The following KIF1A variants were observed in gnomAD, a reference collection of about 807,000 sequenced individuals.
KIF1A encodes the protein kinesin family member 1A, also known as kinesin-like protein KIF1A.
Under a neutral mutation model 227.3 loss-of-function variants are expected in KIF1A, and 46 were observed. The ratio of observed to expected loss-of-function variants is 0.20; its 90% CI spans 0.16 to 0.26. The LOEUF (loss-of-function observed/expected upper bound fraction) is 0.26, where lower values mean the gene tolerates loss of function less well. Ranked by LOEUF, KIF1A falls within the 10% of genes least tolerant of loss-of-function variation. The pLI is 1.00. For synonymous variants in KIF1A, 1,022 were observed against 1,012.8 expected (o/e 1.01, Z -0.17); for missense variants, 1,683 against 2,485.9 (o/e 0.68, Z 6.87).
At chr2:240,791,225 C>T (rs1438876887) in intron 2 of KIF1A, among the ~76,000 whole-genome samples, 3 of 152,152 alleles carry the variant, frequency 2.0e-5, no homozygotes, top group African/African-American at 4.8e-5. Flanking sequence ...CGGGACCCAA[C>T]AGCACCCGTG....
At chr2:240,720,165 C>T in intron 45 of KIF1A, 1 of 414,020 alleles carries the variant, frequency 2.4e-6, no homozygotes, top group Non-Finnish European at 4.3e-6. Flanking sequence ...ACCTCGGGGC[C>T]CAGCCAGGGA....
chr2:240,740,937 C>T lies in KIF1A; in HGVS notation c.3749+332G>A, dbSNP rs911088285. Among the ~76,000 whole-genome samples, 8 of 151,976 alleles carry T rather than the reference C, an allele frequency of 5.3e-5. No homozygotes were observed. The highest frequency in any genetic ancestry group is 1.9e-4 in the African/African-American group (8 of 41,360). On this transcript the variant is annotated intron_variant, in intron 35 of 48. Transcript: ENST00000498729. The surrounding 1 kb of genome is among the most constrained non-coding windows in gnomAD (Gnocchi z 6.1). ...CCCCTCCCACCTCCCTCAAAAGTCC[C>T]TTGATCACTTTGTAAGTGCTGTCTG...
intron 42 of KIF1A, 111 bp downstream of exon 42, chr2:240,723,302 C>T: frequency 1.8e-6 from 2 of 1,087,436 alleles, no homozygotes; most frequent in Non-Finnish European, 1.3e-6. Flanking sequence ...TCCCAAGCAG[C>T]TGTGCTGCCC....
At chr2:240,765,464 G>A (rs1437036224) in intron 20 of KIF1A, among the ~76,000 whole-genome samples, 5 of 152,218 alleles carry the variant, frequency 3.3e-5, no homozygotes, top group South Asian at 2.1e-4. Context: ...CCCACAGCAC[G>A]GACTCAGTGT....
At chr2:240,816,151 T>G (rs1276054671) in intron 1 of KIF1A, among the ~76,000 whole-genome samples, 1 of 116,192 alleles carries the variant, frequency 8.6e-6, no homozygotes, top group African/African-American at 2.8e-5. Flanking sequence ...GGATGCAGAG[T>G]GTGTGTGTGT....
chr2:240,755,679 C>T (rs4676447), intron 27 of KIF1A, among the ~76,000 whole-genome samples: 89,398 of 152,066 alleles, frequency 0.59, 26,745 homozygotes, highest in African/African-American at 0.69. Context: ...TTGGTAGTTT[C>T]GTAAAATCTC....
chr2:240,768,346 C>G (rs1427804747), intron 17 of KIF1A, among the ~76,000 whole-genome samples: 1 of 152,232 alleles, frequency 6.6e-6, no homozygotes, highest in African/African-American at 2.4e-5. Flanking sequence ...CTGCCTGGGA[C>G]TGGAATCTCC....
Position 240,752,039 on chromosome 2 carries a change from G to C in KIF1A, c.2859-1492C>G, listed in dbSNP as rs11693670. 0.46 allele frequency among the ~76,000 whole-genome samples: 69,636 copies of C among 151,726 alleles called. 16,251 individuals carry two copies. Among genetic ancestry groups the C allele is most frequent in the East Asian group, 0.64 (3,246 of 5,096 alleles). On this transcript the variant is annotated intron_variant, in intron 27 of 48. Transcript: ENST00000498729. The surrounding 1 kb of genome is among the most constrained non-coding windows in gnomAD (Gnocchi z 6.4). ...CCTCACTGCAAAATGGCCCAGGCTC[G>C]CAACAGGAAAAGGGTCTTGCTGCCC... is the stretch of plus-strand genomic sequence containing the variant.
In KIF1A at chr2:240,769,208, C is replaced by T. The variant is rs763602734; in HGVS notation, c.1422G>A (p.Arg474=). 12 of 1,607,550 alleles carry T rather than the reference C, an allele frequency of 7.5e-6. No individual in the cohort carries two copies. In the East Asian group the frequency reaches 2.5e-4, roughly 33 times the overall value. Residue 474 remains arginine (R), a splice_region_variant and synonymous_variant, in exon 17 of 49, where the codon AGG becomes AGA. Coordinates refer to ENST00000498729, the MANE Select transcript of KIF1A (RefSeq NM_001244008.2). ...CACCCATCTCGGCCAGCAGGGCTTCCCTGGGGGAACAGAGCTGAGGTCAGC... is the reference window on the plus strand; with the variant it reads ...CACCCATCTCGGCCAGCAGGGCTTCTCTGGGGGAACAGAGCTGAGGTCAGC... ...LRRTEAIRME[R]EALLAEMGVA...
rs934132231 is a variant in KIF1A at position 240,716,811 on chromosome 2, A to C, written c.*553T>G. The C allele has an allele frequency of 2.0e-5, 3 of 152,580 alleles. No homozygotes were observed. Among genetic ancestry groups the C allele is most frequent in the African/African-American group, 7.2e-5 (3 of 41,412 alleles). 9.5% of individuals were successfully genotyped at this position (152,580 alleles called of 1,614,324 possible). A position where few individuals can be genotyped will look rare whatever the true frequency, so the allele number is the denominator to read the frequency against. On this transcript the variant is annotated 3_prime_UTR_variant, in exon 49 of 49. Transcript: ENST00000498729. ...CCGTGTGCTAGCCCCAAGGTGCCCC[A>C]CTGGTCCAGACAGCTCCTCACTGCG...
In KIF1A at chr2:240,722,431, T is replaced by C. The variant is rs1465639506; in HGVS notation, c.4665+25A>G. Reference sequence around the variant, plus strand: ...GCCCTTGAGGGCCTGGGGCTACGGCTGTACTGCCCACCAGCTGGACCCACC... The same window carrying C: ...GCCCTTGAGGGCCTGGGGCTACGGCCGTACTGCCCACCAGCTGGACCCACC... On this transcript the variant is annotated intron_variant, in intron 43 of 48. Transcript: ENST00000498729. 2.6e-6 allele frequency: 4 copies of C among 1,543,542 alleles called. No homozygotes were observed. In the South Asian group the frequency reaches 3.6e-5, roughly 14 times the overall value.
chr2:240,736,865 C>T lies in KIF1A; in HGVS notation c.4007+198G>A, dbSNP rs373753789. Among the ~76,000 whole-genome samples the T allele has an allele frequency of 2.1e-4, 32 of 152,320 alleles. No individual in the cohort carries two copies. Among genetic ancestry groups the T allele is most frequent in the Admixed American group, 3.3e-4 (5 of 15,304 alleles). ...GGCATGGGGATGCCTGAACCAGCAA[C>T]GAGGTGCACAAACGAGGAGCCGGGG... On this transcript the variant is annotated intron_variant, in intron 38 of 48. Coordinates refer to ENST00000498729, the MANE Select transcript of KIF1A (RefSeq NM_001244008.2). The surrounding 1 kb of genome is among the most constrained non-coding windows in gnomAD (Gnocchi z 4.7).
At chr2:240,749,200 T>C (rs2048939107) in intron 28 of KIF1A, among the ~76,000 whole-genome samples, 1 of 151,990 alleles carries the variant, frequency 6.6e-6, no homozygotes, top group South Asian at 2.1e-4. Context: ...CTTCATTAAT[T>C]AGGTGGGATT....
At chr2:240,719,309 C>T in intron 46 of KIF1A, 111 bp from the exon 47 acceptor site, 1 of 1,266,892 alleles carries the variant, frequency 7.9e-7, no homozygotes. Context: ...ACCACCTCCC[C>T]AGCCAGAAAG....
intron 24 of KIF1A, among the ~76,000 whole-genome samples, 165 bp downstream of exon 24, chr2:240,761,064 C>A (rs575463503): frequency 6.6e-6 from 1 of 152,230 alleles, no homozygotes; most frequent in Admixed American, 6.5e-5. Flanking sequence ...CAGGTCTGGG[C>A]TCCCTCACTG....
chr2:240,755,158 T>C (rs1026143679), intron 27 of KIF1A, among the ~76,000 whole-genome samples: 8 of 152,196 alleles, frequency 5.3e-5, no homozygotes, highest in Non-Finnish European at 1.2e-4. Flanking sequence ...CCAGGTCACC[T>C]GGTGCCCCAG....
At position 240,725,194 on chromosome 2, in the gene KIF1A, C is replaced by T. The variant is rs1360562600; in HGVS notation, c.4256+77G>A. On this transcript the variant is annotated intron_variant, in intron 40 of 48. Transcript: ENST00000498729. The surrounding 1 kb of genome is among the most constrained non-coding windows in gnomAD (Gnocchi z 5.8). ...GAGCTGCCGGGTGGCCCAAGGACCG[C>T]TGCCAGGCAGAGCCCTGCCTGGCCC... The T allele has an allele frequency of 1.3e-6, 2 of 1,499,040 alleles. No homozygotes were observed. Among genetic ancestry groups the T allele is most frequent in the South Asian group, 1.2e-5 (1 of 82,332 alleles). The allele number at this position is 1,499,040 out of a possible 1,614,324, so 92.9% of individuals were successfully genotyped here. A position where few individuals can be genotyped will look rare whatever the true frequency, so the allele number is the denominator to read the frequency against.
chr2:240,756,726 C>T (rs182701053), intron 27 of KIF1A, among the ~76,000 whole-genome samples: 2 of 152,358 alleles, frequency 1.3e-5, no homozygotes, highest in African/African-American at 4.8e-5. Flanking sequence ...CTAAAAGTGG[C>T]CTCAGGATGG....
In KIF1A at chr2:240,797,679, T is replaced by C. The variant is rs1200858784; in HGVS notation, c.74A>G (p.Lys25Arg). 2 of 1,612,684 alleles carry C rather than the reference T, an allele frequency of 1.2e-6. No individual in the cohort carries two copies. The highest frequency in any genetic ancestry group is 1.7e-6 in the Non-Finnish European group (2 of 1,179,518). Residue 25 changes from lysine to arginine, a missense_variant, in exon 2 of 49, where the codon AAG becomes AGG. Lys to Arg is a conservative substitution (Grantham distance 26). This residue lies in a region of KIF1A where 71 missense variants were observed against 129.1 expected (regional missense o/e 0.55). Transcript: ENST00000498729. ...FNSREMSRDSKCIIQMSGSTT... is the reference protein window; with the variant it reads ...FNSREMSRDSRCIIQMSGSTT... Reference sequence around the variant, plus strand: ...GCTTCCAGACATCTGAATGATGCACTTGGAGTCACGGCTCATTTCCCGGGA... The same window carrying C: ...GCTTCCAGACATCTGAATGATGCACCTGGAGTCACGGCTCATTTCCCGGGA...
Sources: gnomAD v4.1 joint callset for allele counts (sites outside exome capture counted in the v4.1 genomes callset) on GRCh38, gnomAD v4.1.1 for gene constraint, gnomAD v4.1.1 regional missense constraint, Gnocchi (gnomAD v3.1) non-coding constraint, MANE v1.5 for transcripts, NCBI Gene and HGNC (gene_info 2026-07-23, HGNC 2026-07-21) for gene names.